Variants in LATS2 observed in about 807,000 individuals in gnomAD.
The protein encoded by LATS2 is large tumor suppressor kinase 2.
LATS2 carries 24 observed loss-of-function variants against 76.0 expected under a neutral mutation model. The observed-to-expected ratio is 0.32, with a 90% CI of 0.23 to 0.44. The LOEUF (loss-of-function observed/expected upper bound fraction) is 0.44, where lower values mean the gene tolerates loss of function less well. LATS2 is among the 20% of genes least tolerant of loss of function. LATS2 has a pLI of 1.00. For synonymous variants in LATS2, 692 were observed against 635.4 expected (o/e 1.09, Z -1.34); for missense variants, 1,286 against 1,481.2 (o/e 0.87, Z 2.16).
At chr13:21,029,797 G>GA (rs576838167) in intron 2 of LATS2, among the ~76,000 whole-genome samples, 66 of 150,040 alleles carry the variant, frequency 4.4e-4, no homozygotes, top group Middle Eastern at 3.5e-3. Flanking sequence ...TCTCAAAAAA[G>GA]AAAAAAAAAG....
intron 1 of LATS2, among the ~76,000 whole-genome samples, chr13:21,061,143 G>C (rs919604828): frequency 1.3e-5 from 2 of 151,784 alleles, no homozygotes; most frequent in Non-Finnish European, 2.9e-5. Context: ...GCCGCCGGGC[G>C]GGGGCGGCTC....
intron 1 of LATS2, among the ~76,000 whole-genome samples, chr13:21,058,633 C>A (rs1873525559): frequency 6.6e-6 from 1 of 152,212 alleles, no homozygotes; most frequent in African/African-American, 2.4e-5. Flanking sequence ...AGAATCCCTT[C>A]CAGTTCTATA....
At chr13:20,983,019 C>T (rs530158779) in intron 5 of LATS2, among the ~76,000 whole-genome samples, 145 of 134,996 alleles carry the variant, frequency 1.1e-3, no homozygotes, top group African/African-American at 3.7e-3. Flanking sequence ...AAAAGTAAAC[C>T]TGAAATCCAC....
chr13:21,033,925 C>A (rs1357056948), intron 2 of LATS2, among the ~76,000 whole-genome samples: 1 of 152,040 alleles, frequency 6.6e-6, no homozygotes, highest in Non-Finnish European at 1.5e-5. Context: ...CACACACATT[C>A]CACAAGTTTG....
intron 1 of LATS2, among the ~76,000 whole-genome samples, chr13:21,056,811 G>T (rs1209865684): frequency 6.6e-6 from 1 of 152,208 alleles, no homozygotes; most frequent in Non-Finnish European, 1.5e-5. Flanking sequence ...TTTGGAGAAG[G>T]TATCTTAGAG....
rs539086505 is a variant in LATS2, at chr13:21,050,531, T to C, written c.-204-4301A>G. Among the ~76,000 whole-genome samples, 555 of 152,366 alleles carry C rather than the reference T, an allele frequency of 3.6e-3. 9 individuals are homozygous for C. The highest frequency in any genetic ancestry group is 0.013 in the African/African-American group (533 of 41,588). On this transcript the variant is annotated intron_variant, in intron 1 of 7. Coordinates refer to ENST00000382592, the MANE Select transcript of LATS2 (RefSeq NM_014572.3). ...TTTGCAGATTCATACACGTAGTATA[T>C]ATATAGCAGAAGCCTGTCAGTTGTC...
In LATS2 at chr13:20,983,206, G is replaced by A. The variant is rs751290209; in HGVS notation, c.2482+18C>T. ...CATCTACACATAGAAAGTGCATGTG[G>A]CACACTTCAGACAATACCTTTCTGG... is the stretch of plus-strand genomic sequence containing the variant. On this transcript the variant is annotated intron_variant, in intron 5 of 7. Coordinates refer to ENST00000382592, the MANE Select transcript of LATS2 (RefSeq NM_014572.3). 1.9e-6 allele frequency: 3 copies of A among 1,554,344 alleles called. No homozygotes were observed. Among genetic ancestry groups the A allele is most frequent in the Non-Finnish European group, 2.7e-6 (3 of 1,130,314 alleles).
chr13:21,031,529 T>C (rs1872530118), intron 2 of LATS2, among the ~76,000 whole-genome samples: 2 of 152,180 alleles, frequency 1.3e-5, no homozygotes, highest in African/African-American at 4.8e-5. Context: ...AGAGTTTCCA[T>C]TTTTGTAGTT....
chr13:21,054,269 G>C (rs1873374758), intron 1 of LATS2, among the ~76,000 whole-genome samples: 1 of 152,114 alleles, frequency 6.6e-6, no homozygotes, highest in Non-Finnish European at 1.5e-5. Context: ...GACCAGCCTG[G>C]CCAACATGGC....
At chr13:21,010,788 T>G (rs1871563020) in intron 2 of LATS2, among the ~76,000 whole-genome samples, 1 of 152,166 alleles carries the variant, frequency 6.6e-6, no homozygotes, top group South Asian at 2.1e-4. Context: ...CCTGTTCCTG[T>G]TTACCCTGCC....
intron 2 of LATS2, among the ~76,000 whole-genome samples, chr13:20,999,961 C>T (rs1404032484): frequency 1.3e-5 from 2 of 151,300 alleles, no homozygotes; most frequent in South Asian, 2.1e-4. Context: ...ACCTGGGAGG[C>T]GGAGGTTGCA....
Position 21,027,481 on chromosome 13 carries a change from C to T in LATS2, c.342+18204G>A, listed in dbSNP as rs556241233. ...AAAACAAACAAAAACCCTCAACCTC[C>T]GCCCTTTTCCTCATTGAATTTTCAT... On this transcript the variant is annotated intron_variant, in intron 2 of 7. Coordinates refer to ENST00000382592, the MANE Select transcript of LATS2 (RefSeq NM_014572.3). 5.3e-4 allele frequency among the ~76,000 whole-genome samples: 80 copies of T among 152,330 alleles called. 1 individual carries two copies. Among genetic ancestry groups the T allele is most frequent in the African/African-American group, 1.9e-3 (79 of 41,576 alleles).
chr13:20,981,116 G>A (rs1180926527), intron 6 of LATS2, among the ~76,000 whole-genome samples: 7 of 152,318 alleles, frequency 4.6e-5, no homozygotes, highest in East Asian at 1.9e-4. Context: ...GCTAGAGCCC[G>A]GAAATGTGTG....
chr13:20,989,234 G>C lies in LATS2; in HGVS notation c.546C>G (p.Ser182=), dbSNP rs1458153425. 1.9e-6 allele frequency: 3 copies of C among 1,613,874 alleles called. No homozygotes were observed. In the Admixed American group the frequency reaches 5.0e-5, roughly 27 times the overall value. ...SFEGTGDSFA[S]YHQLSGTPYE... ...AGGGGGTACCGCTCAGCTGGTGGTA[G>C]GACGCAAACGAATCGCCGGTTCCTT... Residue 182 remains serine, a synonymous_variant, in exon 4 of 8, where the codon TCC becomes TCG. Transcript: ENST00000382592.
intron 4 of LATS2, among the ~76,000 whole-genome samples, chr13:20,985,719 T>C (rs2480171): frequency 0.84 from 127,007 of 151,038 alleles, 53,705 homozygotes; most frequent in East Asian, 1. Flanking sequence ...GCCTGGGCAA[T>C]AGAGCAAGAC....
chr13:20,992,999 G>A (rs540293358), intron 2 of LATS2, among the ~76,000 whole-genome samples: 1 of 134,754 alleles, frequency 7.4e-6, no homozygotes, highest in South Asian at 2.6e-4. Flanking sequence ...TCACGCCACT[G>A]CACTCCAGCC....
intron 7 of LATS2, among the ~76,000 whole-genome samples, chr13:20,978,061 G>A (rs1177969915): frequency 2.6e-5 from 4 of 151,884 alleles, no homozygotes; most frequent in Admixed American, 1.3e-4. Flanking sequence ...GACTACAGGC[G>A]CCCGCCCCCA....
chr13:20,988,409 A>G lies in LATS2; in HGVS notation c.1371T>C (p.Ala457=). ...VRVLRPEPQT[A]VGPSHPAWVP... is the part of the protein sequence containing the mutation. ...CCCAGGCGGGGTGCGAGGGCCCCAC[A>G]GCCGTCTGCGGCTCCGGCCTCAGCA... Residue 457 remains alanine, a synonymous_variant, in exon 4 of 8, where the codon GCT becomes GCC. Coordinates refer to ENST00000382592, the MANE Select transcript of LATS2 (RefSeq NM_014572.3). 1 of 1,414,532 alleles carries G rather than the reference A, an allele frequency of 7.1e-7. No homozygotes were observed. Among genetic ancestry groups the G allele is most frequent in the Non-Finnish European group, 9.1e-7 (1 of 1,094,234 alleles). The allele number at this position is 1,414,532 out of a possible 1,614,324, so 87.6% of individuals were successfully genotyped here.
chr13:21,047,925 TAA>T (rs1023022565), intron 1 of LATS2, among the ~76,000 whole-genome samples: 10 of 152,144 alleles, frequency 6.6e-5, no homozygotes, highest in African/African-American at 2.2e-4. Flanking sequence ...ATTTAGAAGA[TAA>T]GAGAGAGACT....
Sources: gnomAD v4.1 joint callset for allele counts (sites outside exome capture counted in the v4.1 genomes callset) on GRCh38, gnomAD v4.1.1 for gene constraint, MANE v1.5 for transcripts, NCBI Gene and HGNC (gene_info 2026-07-23, HGNC 2026-07-21) for gene names.